Variants in PARD3B observed in about 807,000 individuals in gnomAD.
PARD3B encodes the protein partitioning defective 3 homolog B.
Under a neutral mutation model 130.2 loss-of-function variants are expected in PARD3B, and 103 were observed. That is an observed-to-expected ratio of 0.79 (90% CI 0.67 to 0.93). The LOEUF (loss-of-function observed/expected upper bound fraction) is 0.93, where lower values mean the gene tolerates loss of function less well. Among genes scored for constraint, PARD3B ranks in the 40% least tolerant of loss-of-function variants. The pLI is 0.00. For synonymous variants in PARD3B, 583 were observed against 553.2 expected (o/e 1.05, Z -0.76); for missense variants, 1,609 against 1,499.2 (o/e 1.07, Z -1.21).
chr2:205,564,821 G>A lies in PARD3B; in HGVS notation c.3260+11418G>A, dbSNP rs1050310113. On this transcript the variant is annotated intron_variant, in intron 22 of 22. Coordinates refer to ENST00000406610, the MANE Select transcript of PARD3B (RefSeq NM_001302769.2). This position sits in a 1 kb window ranked among gnomAD's most constrained non-coding sequence, Gnocchi z 4.6. ...AGGCAAACATTTGTGGTACAAATGT[G>A]AGAGGGGTTGGTACAAAAACAGCAG... Among the ~76,000 whole-genome samples the A allele has an allele frequency of 1.3e-5, 2 of 152,144 alleles. No homozygotes were observed. The highest frequency in any genetic ancestry group is 2.4e-5 in the African/African-American group (1 of 41,416).
intron 1 of PARD3B, among the ~76,000 whole-genome samples, chr2:204,619,710 C>T (rs1440954972): frequency 6.6e-6 from 1 of 152,176 alleles, no homozygotes; most frequent in Non-Finnish European, 1.5e-5. Context: ...GCGTGCCCTA[C>T]ACAAGCAAGA....
chr2:204,810,506 T>C lies in PARD3B; in HGVS notation c.222+124224T>C, dbSNP rs148376555. On this transcript the variant is annotated intron_variant, in intron 2 of 22. Transcript: ENST00000406610. The stretch of plus-strand genomic sequence containing the variant: ...TTATCAAAAGCCTTTTCTGCATCTA[T>C]TGTGCATCATTGTGCATCTATTGTG... 1.2e-3 allele frequency among the ~76,000 whole-genome samples: 183 copies of C among 152,310 alleles called. 2 individuals carry two copies. Among genetic ancestry groups the C allele is most frequent in the African/African-American group, 4.2e-3 (175 of 41,582 alleles).
chr2:205,054,436 A>ATTTATATATATAT (rs1699492321), intron 4 of PARD3B, among the ~76,000 whole-genome samples: 5 of 28,440 alleles, frequency 1.8e-4, no homozygotes, highest in African/African-American at 7.5e-4. Flanking sequence ...ATATATATAT[A>ATTTATATATATAT]TTTTTTTTTT....
At position 205,143,085 on chromosome 2, in the gene PARD3B, T is replaced by A. The variant is rs190892340; in HGVS notation, c.1435-15637T>A. Reference sequence around the variant, plus strand: ...GAGACATAAAGCATATTTTGAAATATTGTGCAAAGAATTCTTAATTCCATT... The same window carrying A: ...GAGACATAAAGCATATTTTGAAATAATGTGCAAAGAATTCTTAATTCCATT... On this transcript the variant is annotated intron_variant, in intron 10 of 22. Transcript: ENST00000406610. Among the ~76,000 whole-genome samples, 119 of 152,290 alleles carry A rather than the reference T, an allele frequency of 7.8e-4. 1 individual carries two copies. The highest frequency in any genetic ancestry group is 2.3e-3 in the African/African-American group (95 of 41,564).
chr2:205,254,789 C>T (rs555570125), intron 16 of PARD3B, among the ~76,000 whole-genome samples: 1 of 151,126 alleles, frequency 6.6e-6, no homozygotes, highest in Non-Finnish European at 1.5e-5. Context: ...CTCAGCCTCC[C>T]GAGTAGCTGG....
rs2045457229 is a variant in PARD3B, at chr2:204,867,144, C to T, written c.223-98008C>T. 2.0e-5 allele frequency among the ~76,000 whole-genome samples: 3 copies of T among 152,028 alleles called. No homozygotes were observed. The South Asian group carries it at 6.2e-4, about 32-fold the overall frequency. ...AGTGCTTTCCTACCACTTGGTAAAG[C>T]ATTTGTTGATTTTTTTTTTCAGGAA... On this transcript the variant is annotated intron_variant, in intron 2 of 22. Coordinates refer to ENST00000406610, the MANE Select transcript of PARD3B (RefSeq NM_001302769.2).
At chr2:205,043,010 G>A (rs965154895) in intron 3 of PARD3B, among the ~76,000 whole-genome samples, 2 of 151,782 alleles carry the variant, frequency 1.3e-5, no homozygotes, top group East Asian at 1.9e-4. Flanking sequence ...TGTTCCTTGA[G>A]CTGAATCTGG....
chr2:205,380,211 AATAT>A (rs1388055957), intron 18 of PARD3B, among the ~76,000 whole-genome samples: 1 of 114,984 alleles, frequency 8.7e-6, no homozygotes, highest in Non-Finnish European at 1.6e-5. Flanking sequence ...ATATGTAAAG[AATAT>A]ATATTATATA....
chr2:204,909,529 C>T (rs1345608606), intron 2 of PARD3B, among the ~76,000 whole-genome samples: 1 of 152,084 alleles, frequency 6.6e-6, no homozygotes. Flanking sequence ...GATTCTGAAG[C>T]TGGATTACTT....
chr2:205,601,384 G>T (rs1478183166), intron 22 of PARD3B, among the ~76,000 whole-genome samples: 4 of 151,980 alleles, frequency 2.6e-5, no homozygotes, highest in African/African-American at 7.3e-5. Flanking sequence ...GTTCCTTATA[G>T]ATTCTGGATA....
At chr2:205,449,807 C>T (rs748753677) in intron 20 of PARD3B, among the ~76,000 whole-genome samples, 1 of 152,114 alleles carries the variant, frequency 6.6e-6, no homozygotes, top group Non-Finnish European at 1.5e-5. Flanking sequence ...CTGTTGTGTT[C>T]CAGAGGTCAC....
Position 204,971,724 on chromosome 2 carries a change from A to G in PARD3B, c.394+6401A>G, listed in dbSNP as rs563376716. Among the ~76,000 whole-genome samples, 62 of 152,270 alleles carry G rather than the reference A, an allele frequency of 4.1e-4. No homozygotes were observed. The South Asian group carries it at 0.013, about 32-fold the overall frequency. On this transcript the variant is annotated intron_variant, in intron 3 of 22. Transcript: ENST00000406610. Reference sequence around the variant, plus strand: ...ATCAGTCATAGCCATATAGTCAACAAAGTGTGTGCTTGCTTTCTGGTGTGA... The same window carrying G: ...ATCAGTCATAGCCATATAGTCAACAGAGTGTGTGCTTGCTTTCTGGTGTGA...
chr2:205,423,277 G>A (rs1186713115), intron 19 of PARD3B, among the ~76,000 whole-genome samples: 1 of 152,188 alleles, frequency 6.6e-6, no homozygotes, highest in Non-Finnish European at 1.5e-5. Context: ...TGATGAGGAT[G>A]CTCACCTCAG....
intron 2 of PARD3B, among the ~76,000 whole-genome samples, chr2:204,787,738 A>G (rs2042061157): frequency 6.6e-6 from 1 of 152,244 alleles, no homozygotes; most frequent in Non-Finnish European, 1.5e-5. Context: ...CTGTAAATTT[A>G]TCAGCTGTCT....
intron 2 of PARD3B, among the ~76,000 whole-genome samples, chr2:204,745,698 T>G: frequency 6.6e-6 from 1 of 152,186 alleles, no homozygotes; most frequent in East Asian, 1.9e-4. Context: ...CCACCATGCC[T>G]GGCCGATACT....
chr2:205,277,458 G>C (rs2040994056), intron 16 of PARD3B, among the ~76,000 whole-genome samples: 1 of 152,104 alleles, frequency 6.6e-6, no homozygotes, highest in Admixed American at 6.5e-5. Flanking sequence ...ATATATATTA[G>C]TCATTATTAT....
chr2:205,301,130 C>T lies in PARD3B; in HGVS notation c.2393-334C>T, dbSNP rs1445864604. Among the ~76,000 whole-genome samples, 2 of 152,206 alleles carry T rather than the reference C, an allele frequency of 1.3e-5. No homozygotes were observed. The highest frequency in any genetic ancestry group is 2.9e-5 in the Non-Finnish European group (2 of 68,030). On this transcript the variant is annotated intron_variant, in intron 17 of 22. Transcript: ENST00000406610. The surrounding 1 kb of genome is among the most constrained non-coding windows in gnomAD (Gnocchi z 5.2). ...CAGTTGGGATATTTTGTACTCAAAA[C>T]TCTCTTCTCACCCTGTTTGTTTCCC... is the stretch of plus-strand genomic sequence containing the variant.
chr2:205,046,150 T>G (rs2125408847), intron 3 of PARD3B, among the ~76,000 whole-genome samples: 1 of 152,262 alleles, frequency 6.6e-6, no homozygotes, highest in East Asian at 1.9e-4. Context: ...GAAAGGAACT[T>G]AGTCTTCAGA....
At chr2:204,579,807 A>G (rs567161241) in intron 1 of PARD3B, among the ~76,000 whole-genome samples, 3 of 152,330 alleles carry the variant, frequency 2.0e-5, no homozygotes, top group African/African-American at 7.2e-5. Flanking sequence ...GCTTGGCTAC[A>G]ATAGCTTAGA....
Sources: gnomAD v4.1 joint callset for allele counts (sites outside exome capture counted in the v4.1 genomes callset) on GRCh38, gnomAD v4.1.1 for gene constraint, Gnocchi (gnomAD v3.1) non-coding constraint, MANE v1.5 for transcripts, NCBI Gene and HGNC (gene_info 2026-07-23, HGNC 2026-07-21) for gene names.